The following LRP2 variants were observed in gnomAD, a reference collection of about 807,000 sequenced individuals.
The protein encoded by LRP2 is LDL receptor related protein 2, also known as low-density lipoprotein receptor-related protein 2.
LRP2 carries 172 observed loss-of-function variants against 531.0 expected under a neutral mutation model. The ratio of observed to expected loss-of-function variants is 0.32; its 90% confidence interval spans 0.29 to 0.37. The LOEUF (loss-of-function observed/expected upper bound fraction) is 0.37. Ranked by LOEUF, LRP2 falls within the 10% of genes least tolerant of loss-of-function variation. The probability of loss-of-function intolerance (pLI) is 1.00; values close to 1 mark genes in which losing one functional copy is unlikely to be tolerated. For missense variants in LRP2, 5,167 were observed against 5,868.3 expected (o/e 0.88, Z 3.90); for synonymous variants, 1,992 against 2,027.6 (o/e 0.98, Z 0.47).
At chr2:169,218,725 T>C (rs1361287854) in intron 34 of LRP2, among the ~76,000 whole-genome samples, 1 of 152,108 alleles carries the variant, frequency 6.6e-6, no homozygotes, top group African/African-American at 2.4e-5. Context: ...TGAGCAGAAG[T>C]GGCGTGCACT....
rs1216508748 is a variant in LRP2 at position 169,146,718 on chromosome 2, ACTTT to A, written c.12811+17_12811+20del. 1.3e-6 allele frequency: 2 copies of A among 1,537,750 alleles called. No individual in the cohort carries two copies. Among genetic ancestry groups the A allele is most frequent in the African/African-American group, 2.7e-5 (2 of 73,392 alleles). Reference sequence around the variant, plus strand: ...ATGTTAATTATTAATTTAATATATTACTTTCTAACTAATTTCTAACCTTCCTTTG... The same window carrying A: ...ATGTTAATTATTAATTTAATATATTACTAACTAATTTCTAACCTTCCTTTG... On this transcript the variant is annotated intron_variant, in intron 69 of 78. Coordinates refer to ENST00000649046, the MANE Select transcript of LRP2 (RefSeq NM_004525.3).
intron 1 of LRP2, among the ~76,000 whole-genome samples, chr2:169,358,701 T>C (rs1686058679): frequency 6.6e-6 from 1 of 152,130 alleles, no homozygotes; most frequent in South Asian, 2.1e-4. Context: ...GATTAAAGAA[T>C]ATAATGTTGG....
At chr2:169,247,095 A>C in intron 20 of LRP2, 109 bp from the exon 21 acceptor site, 1 of 1,306,552 alleles carries the variant, frequency 7.7e-7, no homozygotes, top group Non-Finnish European at 1.1e-6. Flanking sequence ...TTCAGACCCA[A>C]TACTAAAAAG....
At chr2:169,186,772 T>C (rs1687649320) in intron 49 of LRP2, among the ~76,000 whole-genome samples, 1 of 152,208 alleles carries the variant, frequency 6.6e-6, no homozygotes, top group African/African-American at 2.4e-5. Context: ...TTCATAGGTT[T>C]GGATGAGACC....
chr2:169,173,326 T>G lies in LRP2; in HGVS notation c.11015-102A>C, dbSNP rs1687070545. ...GTACTGAGGAATAACAATGACCATG[T>G]TACCAAGCAAACCGCCTCTGGCGAT... is the stretch of plus-strand genomic sequence containing the variant. On this transcript the variant is annotated intron_variant, in intron 56 of 78. Transcript: ENST00000649046. The G allele has an allele frequency of 1.2e-5, 17 of 1,451,728 alleles. No homozygotes were observed. In the South Asian group the frequency reaches 1.9e-4, roughly 16 times the overall value. The allele number at this position is 1,451,728 out of a possible 1,614,324, so 89.9% of individuals were successfully genotyped here.
chr2:169,158,643 A>G (rs1243783413), intron 63 of LRP2, among the ~76,000 whole-genome samples: 2 of 151,850 alleles, frequency 1.3e-5, no homozygotes, highest in Admixed American at 6.6e-5. Context: ...CATGGGAAAT[A>G]CCTATAATAA....
intron 1 of LRP2, among the ~76,000 whole-genome samples, chr2:169,349,081 G>T (rs927016596): frequency 1.3e-5 from 2 of 152,078 alleles, no homozygotes; most frequent in African/African-American, 4.8e-5. Context: ...GAAAGCAATG[G>T]ATAAAAGAGA....
At chr2:169,172,838 T>C (rs1003432047) in intron 57 of LRP2, among the ~76,000 whole-genome samples, 2 of 152,292 alleles carry the variant, frequency 1.3e-5, no homozygotes, top group East Asian at 1.9e-4. Context: ...TTGGAAGAAA[T>C]TACACAAGTT....
rs570486780 is a variant in LRP2, at chr2:169,273,523, AC to A, written c.1976-457del. 5.9e-5 allele frequency among the ~76,000 whole-genome samples: 9 copies of A among 152,292 alleles called. No individual in the cohort carries two copies. The South Asian group carries it at 1.7e-3, about 28-fold the overall frequency. On this transcript the variant is annotated intron_variant, in intron 14 of 78. Coordinates refer to ENST00000649046, the MANE Select transcript of LRP2 (RefSeq NM_004525.3). ...AGTCCTCCAATTTTACAGAGGAGAAACCAAGAATCTAAACAGTTAAATAACT... is the reference window on the plus strand; with the variant it reads ...AGTCCTCCAATTTTACAGAGGAGAAACAAGAATCTAAACAGTTAAATAACT...
At chr2:169,136,675 C>T (rs1222915016) in intron 76 of LRP2, among the ~76,000 whole-genome samples, 1 of 150,624 alleles carries the variant, frequency 6.6e-6, no homozygotes, top group East Asian at 2.0e-4. Context: ...AACAACCCCC[C>T]TTTGACTGTA....
chr2:169,182,319 T>C lies in LRP2; in HGVS notation c.9846A>G (p.Arg3282=), dbSNP rs202135090. Residue 3282 remains arginine, a splice_region_variant and synonymous_variant, in exon 51 of 79, where the codon AGA becomes AGG. Transcript: ENST00000649046. ...GGCGGGCATCCAACCAGTAGAGCTTTCTAAAATGGAGAGCCAGGAGTTAAC... is the reference window on the plus strand; with the variant it reads ...GGCGGGCATCCAACCAGTAGAGCTTCCTAAAATGGAGAGCCAGGAGTTAAC... ...AESLAVDWVS[R]KLYWLDARLD... 6.8e-6 allele frequency: 11 copies of C among 1,613,564 alleles called. No homozygotes were observed. In the African/African-American group the frequency reaches 1.3e-4, roughly 20 times the overall value.
At chr2:169,167,745 G>C (rs1686835458) in intron 61 of LRP2, among the ~76,000 whole-genome samples, 1 of 151,940 alleles carries the variant, frequency 6.6e-6, no homozygotes, top group Admixed American at 6.6e-5. Context: ...TATTACCCTA[G>C]AGTTCCTCCA....
chr2:169,315,959 CAAAAAAAA>C (rs536458606), intron 3 of LRP2, among the ~76,000 whole-genome samples: 15 of 73,748 alleles, frequency 2.0e-4, no homozygotes, highest in African/African-American at 4.1e-4. Flanking sequence ...CCCATCTCTA[CAAAAAAAA>C]AAAAAAAAAA....
rs374101649 is a variant in LRP2 at position 169,186,043 on chromosome 2, G to A, written c.9329-24C>T. 2.0e-5 allele frequency: 32 copies of A among 1,609,068 alleles called. 1 individual carries two copies. The African/African-American group carries it at 3.7e-4, about 19-fold the overall frequency. On this transcript the variant is annotated intron_variant, in intron 49 of 78. Transcript: ENST00000649046. ...GCCTGTAGGTAAAAAGCAGTTCTTA[G>A]AGATCCTAAAATATCAACGACCAAC...
chr2:169,205,379 TG>T, intron 41 of LRP2, 99 bp downstream of exon 41: 1 of 1,282,900 alleles, frequency 7.8e-7, no homozygotes, highest in Non-Finnish European at 1.1e-6. Flanking sequence ...AATGTCTATC[TG>T]GCATGCTATA....
intron 9 of LRP2, among the ~76,000 whole-genome samples, chr2:169,285,800 C>G (rs2673180): frequency 1 from 152,135 of 152,316 alleles, 75,977 homozygotes; most frequent in Non-Finnish European, 1. Flanking sequence ...GCCAGGTCAA[C>G]ACTACCAGAG....
intron 16 of LRP2, among the ~76,000 whole-genome samples, chr2:169,259,722 G>A (rs1473764558): frequency 7.3e-6 from 1 of 137,250 alleles, no homozygotes; most frequent in African/African-American, 2.7e-5. Flanking sequence ...AAGGAAATCA[G>A]AACTGATTAA....
At chr2:169,306,887 T>C (rs1379414919) in intron 4 of LRP2, among the ~76,000 whole-genome samples, 2 of 152,118 alleles carry the variant, frequency 1.3e-5, no homozygotes, top group African/African-American at 2.4e-5. Flanking sequence ...ATCTGAAAAA[T>C]GTTGAGTTCA....
At position 169,233,314 on chromosome 2, in the gene LRP2, T is replaced by C. The variant is rs2239596; in HGVS notation, c.5098+97A>G. ...GTAAAGAGAAAAGGAAAATGTATTG[T>C]CCAAACAAATGGGTCTGTAACAGTG... On this transcript the variant is annotated intron_variant, in intron 30 of 78. Transcript: ENST00000649046. 480,914 of 1,355,954 alleles carry C rather than the reference T, an allele frequency of 0.35. 91,082 individuals carry two copies. Among genetic ancestry groups the C allele is most frequent in the South Asian group, 0.6 (50,279 of 84,232 alleles). The allele number at this position is 1,355,954 out of a possible 1,614,324, so 84.0% of individuals were successfully genotyped here. A position where few individuals can be genotyped will look rare whatever the true frequency, so the allele number is the denominator to read the frequency against.
Sources: gnomAD v4.1 joint callset for allele counts (sites outside exome capture counted in the v4.1 genomes callset) on GRCh38, gnomAD v4.1.1 for gene constraint, MANE v1.5 for transcripts, NCBI Gene and HGNC (gene_info 2026-07-23, HGNC 2026-07-21) for gene names.